ANO3: variants seen among roughly 807,000 people sequenced by gnomAD.
ANO3 encodes anoctamin 3, also known as anoctamin-3.
Under a neutral mutation model 144.8 loss-of-function variants are expected in ANO3, and 99 were observed. That is an observed-to-expected ratio of 0.68 (90% confidence interval 0.58 to 0.81). The LOEUF is 0.81. Among genes scored for constraint, ANO3 ranks in the 30% least tolerant of loss-of-function variants. ANO3 has a pLI of 0.00. For synonymous variants in ANO3, 414 were observed against 392.6 expected, an observed-to-expected ratio of 1.05 and a Z score of -0.64; for missense variants, 905 against 1,202.2, an observed-to-expected ratio of 0.75 and a Z score of 3.66.
chr11:26,653,315 A>G (rs6484238), intron 24 of ANO3, among the ~76,000 whole-genome samples: 57,136 of 151,870 alleles, frequency 0.38, 11,930 homozygotes, highest in South Asian at 0.49. Context: ...ATAGTGGCTC[A>G]GGCCATGATC....
At chr11:26,241,319 T>C (rs1489710060) in intron 1 of ANO3, among the ~76,000 whole-genome samples, 1 of 152,206 alleles carries the variant, frequency 6.6e-6, no homozygotes, top group Non-Finnish European at 1.5e-5. Context: ...TGGACATTTC[T>C]GACATATGAG....
At chr11:26,229,630 ACT>A (rs980162858) in intron 1 of ANO3, among the ~76,000 whole-genome samples, 1 of 151,978 alleles carries the variant, frequency 6.6e-6, no homozygotes, top group Non-Finnish European at 1.5e-5. Context: ...ATGCTAATCA[ACT>A]CTTGCCTTTT....
intron 5 of ANO3, chr11:26,508,788 A>G (rs2134137810): frequency 6.6e-6 from 1 of 152,340 alleles, no homozygotes; most frequent in Admixed American, 6.5e-5. Context: ...GAAAATTTAA[A>G]AAAAAACTCA....
At chr11:26,615,055 A>G (rs930130522) in intron 17 of ANO3, among the ~76,000 whole-genome samples, 5 of 151,340 alleles carry the variant, frequency 3.3e-5, no homozygotes, top group African/African-American at 1.2e-4. Context: ...GGATCATTTG[A>G]ATATTTATCT....
At chr11:26,528,063 G>A (rs1849210235) in intron 7 of ANO3, among the ~76,000 whole-genome samples, 1 of 152,082 alleles carries the variant, frequency 6.6e-6, no homozygotes, top group South Asian at 2.1e-4. Flanking sequence ...ATTGTGCTGT[G>A]ATATCTTGGA....
intron 4 of ANO3, chr11:26,474,101 T>G: frequency 2.0e-6 from 2 of 985,172 alleles, no homozygotes; most frequent in Non-Finnish European, 2.4e-6. Flanking sequence ...GGATTCCAAA[T>G]GCAGCTGAAC....
intron 1 of ANO3, among the ~76,000 whole-genome samples, chr11:26,193,746 C>T (rs956531600): frequency 8.6e-5 from 13 of 152,024 alleles, no homozygotes; most frequent in Non-Finnish European, 1.9e-4. Context: ...CTTTTCTGAG[C>T]TACATATAAT....
intron 3 of ANO3, among the ~76,000 whole-genome samples, chr11:26,461,198 C>A (rs1194221529): frequency 6.6e-6 from 1 of 152,106 alleles, no homozygotes; most frequent in Non-Finnish European, 1.5e-5. Context: ...ACACAAAACA[C>A]TCTATGCCTT....
chr11:26,478,154 C>T (rs544982252), intron 4 of ANO3, among the ~76,000 whole-genome samples: 4 of 152,066 alleles, frequency 2.6e-5, no homozygotes, highest in East Asian at 1.9e-4. Flanking sequence ...TTGAGAGTAA[C>T]GAGATCTGGT....
At chr11:26,291,922 G>A (rs549106385) in intron 1 of ANO3, among the ~76,000 whole-genome samples, 23 of 152,148 alleles carry the variant, frequency 1.5e-4, no homozygotes, top group South Asian at 8.3e-4. Flanking sequence ...TCTTTGTGGC[G>A]TTCTCTATTT....
intron 1 of ANO3, among the ~76,000 whole-genome samples, chr11:26,261,489 T>C (rs1461498020): frequency 6.6e-6 from 1 of 152,204 alleles, no homozygotes; most frequent in Non-Finnish European, 1.5e-5. Flanking sequence ...CTGTTTATTT[T>C]ACCTTTCCTT....
intron 14 of ANO3, among the ~76,000 whole-genome samples, chr11:26,596,936 A>G (rs929101627): frequency 6.6e-6 from 1 of 152,340 alleles, no homozygotes; most frequent in African/African-American, 2.4e-5. Flanking sequence ...TCCAGGCAGA[A>G]CAAAGCTCCC....
chr11:26,203,135 T>C (rs1315421191), intron 1 of ANO3, among the ~76,000 whole-genome samples: 3 of 152,124 alleles, frequency 2.0e-5, no homozygotes, highest in African/African-American at 4.8e-5. Flanking sequence ...AGCTGTGCTA[T>C]TGATAGTTTC....
In ANO3 at chr11:26,219,198, A is replaced by G. The variant is rs1412649321; in HGVS notation, c.154+29868A>G. On this transcript the variant is annotated intron_variant, in intron 1 of 27. Coordinates refer to the ANO3 transcript ENST00000672621. ...ATTGCCAGATATCTTGTAGTGGACAAAATTGCCCTGGGTTGAGAACTGCTG... is the reference window on the plus strand; with the variant it reads ...ATTGCCAGATATCTTGTAGTGGACAGAATTGCCCTGGGTTGAGAACTGCTG... Among the ~76,000 whole-genome samples the G allele has an allele frequency of 3.3e-5, 5 of 152,326 alleles. No homozygotes were observed. In the East Asian group the frequency reaches 9.6e-4, roughly 29 times the overall value.
At chr11:26,241,064 G>T (rs1489096719) in intron 1 of ANO3, among the ~76,000 whole-genome samples, 2 of 152,204 alleles carry the variant, frequency 1.3e-5, no homozygotes, top group Non-Finnish European at 1.5e-5. Flanking sequence ...TGCTGTTCTC[G>T]TGATAGTGAA....
chr11:26,583,354 T>C (rs187199476), intron 14 of ANO3, among the ~76,000 whole-genome samples: 26 of 152,300 alleles, frequency 1.7e-4, no homozygotes, highest in African/African-American at 6.3e-4. Context: ...ATTTAACGTT[T>C]TTAGAGAAAT....
intron 1 of ANO3, among the ~76,000 whole-genome samples, chr11:26,320,849 T>A (rs1435398223): frequency 2.6e-5 from 4 of 152,152 alleles, no homozygotes; most frequent in Admixed American, 2.6e-4. Flanking sequence ...TATTTTTATT[T>A]CTACCAATGT....
chr11:26,344,219 G>A (rs1300418840), intron 1 of ANO3, among the ~76,000 whole-genome samples: 2 of 152,044 alleles, frequency 1.3e-5, no homozygotes, highest in Admixed American at 6.6e-5. Flanking sequence ...TATTAAAATA[G>A]AGTTGAAATT....
intron 4 of ANO3, among the ~76,000 whole-genome samples, chr11:26,488,614 A>T (rs2087973): frequency 0.91 from 138,085 of 152,134 alleles, 63,304 homozygotes; most frequent in South Asian, 0.97. Flanking sequence ...GCAGTGAGTG[A>T]TACAGCTCTT....
Sources: gnomAD v4.1 joint callset for allele counts (sites outside exome capture counted in the v4.1 genomes callset) on GRCh38, gnomAD v4.1.1 for gene constraint, MANE v1.5 for transcripts, NCBI Gene and HGNC (gene_info 2026-07-23, HGNC 2026-07-21) for gene names.